TYW1: variants seen among roughly 807,000 people sequenced by gnomAD.
TYW1 encodes the protein tRNA-yW synthesizing protein 1 homolog.
Under a neutral mutation model 96.2 loss-of-function variants are expected in TYW1, and 46 were observed. The ratio of observed to expected loss-of-function variants is 0.48; its 90% CI spans 0.38 to 0.61. TYW1 has a LOEUF of 0.61. TYW1 is among the 20% of genes least tolerant of loss of function. The probability of loss-of-function intolerance (pLI) is 0.00; values close to 1 mark genes in which losing one functional copy is unlikely to be tolerated. For missense variants in TYW1, 684 were observed against 909.6 expected (o/e 0.75, Z 3.19); for synonymous variants, 274 against 323.0 (o/e 0.85, Z 1.63).
intron 13 of TYW1, among the ~76,000 whole-genome samples, chr7:67,175,149 A>G (rs1223230645): frequency 6.6e-6 from 1 of 150,556 alleles, no homozygotes; most frequent in African/African-American, 2.4e-5. Context: ...AGCACTTTCC[A>G]TCTCATTTTA....
At chr7:67,036,347 A>G (rs1794841735) in intron 7 of TYW1, among the ~76,000 whole-genome samples, 1 of 152,128 alleles carries the variant, frequency 6.6e-6, no homozygotes, top group Non-Finnish European at 1.5e-5. Context: ...GCGCTCCTCT[A>G]ATCAGAAGCA....
chr7:67,120,568 C>T (rs1006124787), intron 13 of TYW1, among the ~76,000 whole-genome samples: 1 of 152,094 alleles, frequency 6.6e-6, no homozygotes, highest in Non-Finnish European at 1.5e-5. Flanking sequence ...AAAGGCCTTA[C>T]TTTAGTTTCT....
chr7:67,152,021 A>G (rs1007859670), intron 13 of TYW1, among the ~76,000 whole-genome samples: 1 of 151,974 alleles, frequency 6.6e-6, no homozygotes, highest in Non-Finnish European at 1.5e-5. Flanking sequence ...TATGTTGTGC[A>G]GGTAGGTCTC....
intron 14 of TYW1, among the ~76,000 whole-genome samples, chr7:67,186,939 G>A (rs6963793): frequency 0.29 from 43,870 of 151,582 alleles, 7,006 homozygotes; most frequent in African/African-American, 0.43. Context: ...TGAATGTGCT[G>A]TTGGGAAATG....
intron 13 of TYW1, among the ~76,000 whole-genome samples, chr7:67,147,954 AAAG>A (rs1798660202): frequency 1.3e-5 from 2 of 152,188 alleles, no homozygotes; most frequent in Middle Eastern, 3.4e-3. Flanking sequence ...GGAAAAAAAA[AAAG>A]AAACCCAAAT....
At position 67,239,207 on chromosome 7, in the gene TYW1, T is replaced by C. The variant is rs1029280694; in HGVS notation, c.*678T>C. On this transcript the variant is annotated 3_prime_UTR_variant, in exon 16 of 16. Transcript: ENST00000359626. ...GGGGCTGGAGCGGAGTGAAGCTGTC[T>C]GCTGTAAGAGGAGTGGCCATGTGAG... 100 of 985,506 alleles carry C rather than the reference T, an allele frequency of 1.0e-4. No homozygotes were observed. In the African/African-American group the frequency reaches 1.5e-3, roughly 15 times the overall value. 61.0% of individuals were successfully genotyped at this position (985,506 alleles called of 1,614,324 possible).
intron 12 of TYW1, among the ~76,000 whole-genome samples, chr7:67,099,069 C>T (rs899244449): frequency 5.3e-5 from 8 of 151,422 alleles, no homozygotes; most frequent in East Asian, 1.9e-4. Flanking sequence ...TCTGTCTCCC[C>T]GGCTTGAGTG....
chr7:67,219,491 TTCACAAGTGA>T (rs1204768886), intron 15 of TYW1, among the ~76,000 whole-genome samples: 4 of 152,206 alleles, frequency 2.6e-5, no homozygotes, highest in Non-Finnish European at 1.5e-5. Flanking sequence ...TTTTGTAGAA[TTCACAAGTGA>T]AGCCATCAGG....
intron 15 of TYW1, among the ~76,000 whole-genome samples, chr7:67,226,981 A>G (rs1801581580): frequency 1.3e-5 from 2 of 152,338 alleles, no homozygotes; most frequent in Non-Finnish European, 2.9e-5. Context: ...AATAATTGAC[A>G]CTAAGATCAC....
chr7:67,173,378 A>G (rs1799572368), intron 13 of TYW1, among the ~76,000 whole-genome samples: 4 of 152,148 alleles, frequency 2.6e-5, no homozygotes, highest in Admixed American at 2.6e-4. Flanking sequence ...ATCTTTTAAT[A>G]TAGTCTGTGT....
chr7:67,156,437 T>G (rs7783513), intron 13 of TYW1, among the ~76,000 whole-genome samples: 39,481 of 152,202 alleles, frequency 0.26, 5,608 homozygotes, highest in African/African-American at 0.38. Context: ...TGAAGGTGTG[T>G]GCAGGTACAT....
At chr7:67,184,678 G>A (rs765845208) in intron 14 of TYW1, among the ~76,000 whole-genome samples, 1 of 106,168 alleles carries the variant, frequency 9.4e-6, no homozygotes, top group African/African-American at 4.1e-5. Flanking sequence ...GTTATGTTAT[G>A]TTATGTTATG....
At chr7:67,155,381 G>A (rs1481134588) in intron 13 of TYW1, among the ~76,000 whole-genome samples, 2 of 151,952 alleles carry the variant, frequency 1.3e-5, no homozygotes, top group Admixed American at 1.3e-4. Flanking sequence ...CTCCTCCTTC[G>A]CTCTTGCTCC....
At chr7:67,092,960 G>T (rs11975698) in intron 11 of TYW1, among the ~76,000 whole-genome samples, 2,129 of 151,972 alleles carry the variant, frequency 0.014, 48 homozygotes, top group African/African-American at 0.048. Flanking sequence ...TGAGATTACA[G>T]GCGTGAGCCA....
chr7:67,195,059 G>A (rs1800344953), intron 14 of TYW1, 111 bp from the exon 15 acceptor site: 16 of 1,244,752 alleles, frequency 1.3e-5, no homozygotes, highest in South Asian at 4.6e-5. Context: ...TGTAAAATAC[G>A]GACTGGATTG....
chr7:67,007,234 C>T (rs1217139756), intron 3 of TYW1, among the ~76,000 whole-genome samples: 1 of 151,984 alleles, frequency 6.6e-6, no homozygotes, highest in Non-Finnish European at 1.5e-5. Flanking sequence ...CAATTGGAAG[C>T]CTCCCAAGGA....
chr7:67,170,235 C>T (rs1482595598), intron 13 of TYW1, among the ~76,000 whole-genome samples: 1 of 152,126 alleles, frequency 6.6e-6, no homozygotes, highest in Non-Finnish European at 1.5e-5. Context: ...AATCAATTGG[C>T]TGTTAAGTGT....
At chr7:67,030,913 T>A (rs1365460330) in intron 7 of TYW1, among the ~76,000 whole-genome samples, 4 of 151,260 alleles carry the variant, frequency 2.6e-5, no homozygotes, top group African/African-American at 9.7e-5. Context: ...AAAAAAAAAA[T>A]TAGTTGGCCT....
At position 67,032,977 on chromosome 7, in the gene TYW1, A is replaced by C. The variant is rs1198112120; in HGVS notation, c.984+7955A>C. ...AGTGGCACAATCTCAGCTCACTGCA[A>C]CCTCTGCCTCCCAGGTTCAAGCGAT... On this transcript the variant is annotated intron_variant, in intron 7 of 15. Transcript: ENST00000359626. 7.5e-5 allele frequency among the ~76,000 whole-genome samples: 10 copies of C among 134,108 alleles called. No individual in the cohort carries two copies. In the Admixed American group the frequency reaches 8.7e-4, roughly 12 times the overall value. 88.0% of individuals were successfully genotyped at this position (134,108 alleles called of 152,430 possible).
Sources: gnomAD v4.1 joint callset for allele counts (sites outside exome capture counted in the v4.1 genomes callset) on GRCh38, gnomAD v4.1.1 for gene constraint, MANE v1.5 for transcripts, NCBI Gene and HGNC (gene_info 2026-07-23, HGNC 2026-07-21) for gene names.